The following NHLRC3 variants were observed in gnomAD, a reference collection of about 807,000 sequenced individuals.
The protein encoded by NHLRC3 is NHL repeat containing 3.
In NHLRC3, 23 loss-of-function variants were observed where a neutral mutation model predicts 32.0. That is an observed-to-expected ratio of 0.72 (90% CI 0.52 to 1.02). NHLRC3 has a LOEUF of 1.02. NHLRC3 is among the 50% of genes least tolerant of loss of function. The pLI is 0.00. For synonymous variants in NHLRC3, 159 were observed against 147.9 expected (o/e 1.08, Z -0.55); for missense variants, 407 against 406.8 (o/e 1.00, Z -0.01).
intron 6 of NHLRC3, 27 bp downstream of exon 6, chr13:39,047,179 G>T (rs766368544): frequency 9.7e-6 from 13 of 1,346,524 alleles, no homozygotes; most frequent in Admixed American, 7.2e-5. Context: ...ATTGCAAAAT[G>T]CTTGTTTTAG....
At chr13:39,039,063 C>T (rs1312470973) in intron 1 of NHLRC3, 73 bp from the exon 2 acceptor site, 1 of 590,140 alleles carries the variant, frequency 1.7e-6, no homozygotes, top group African/African-American at 2.1e-5. Context: ...AGCCCTGTTA[C>T]CCGGCCCCCC....
chr13:39,044,455 A>C, intron 5 of NHLRC3: 1 of 370,406 alleles, frequency 2.7e-6, no homozygotes. Flanking sequence ...GATTTCCTGT[A>C]CCATTTAAAA....
At chr13:39,046,210 CG>C (rs1303988123) in intron 5 of NHLRC3, among the ~76,000 whole-genome samples, 2 of 152,004 alleles carry the variant, frequency 1.3e-5, no homozygotes, top group African/African-American at 4.8e-5. Context: ...CTCAGCTACT[CG>C]GAGAGGCTGA....
rs1871820279 is a variant in NHLRC3, at chr13:39,049,388, T to C, written c.*1462T>C. 6.6e-6 allele frequency: 1 copy of C among 152,234 alleles called. No homozygotes were observed. The highest frequency in any genetic ancestry group is 2.4e-5 in the African/African-American group (1 of 41,450). 9.4% of individuals were successfully genotyped at this position (152,234 alleles called of 1,614,324 possible). On this transcript the variant is annotated 3_prime_UTR_variant, in exon 7 of 7. Transcript: ENST00000379600. ...TGTTGGTGCCACTGATCGGACTGTA[T>C]GACCTTAAACAAGTCACCTTAGTTT...
At chr13:39,045,965 A>G (rs1429930646) in intron 5 of NHLRC3, among the ~76,000 whole-genome samples, 1 of 152,190 alleles carries the variant, frequency 6.6e-6, no homozygotes, top group African/African-American at 2.4e-5. Flanking sequence ...AGGGAGGTAG[A>G]AGTAAAGAGG....
chr13:39,046,641 C>T (rs1433129189), intron 5 of NHLRC3, among the ~76,000 whole-genome samples: 1 of 152,166 alleles, frequency 6.6e-6, no homozygotes, highest in Non-Finnish European at 1.5e-5. Context: ...GTCATGTTGC[C>T]TGGCCCAGGA....
chr13:39,043,640 G>A (rs541897370), intron 4 of NHLRC3, among the ~76,000 whole-genome samples: 1 of 152,174 alleles, frequency 6.6e-6, no homozygotes, highest in Admixed American at 6.5e-5. Flanking sequence ...CACATTCCCA[G>A]GTATCAGGAG....
chr13:39,045,162 A>C (rs956119979), intron 5 of NHLRC3, among the ~76,000 whole-genome samples: 4 of 152,226 alleles, frequency 2.6e-5, no homozygotes, highest in Admixed American at 6.5e-5. Flanking sequence ...TAATTGATTG[A>C]CAAAAATGAG....
chr13:39,048,032 T>G lies in NHLRC3; in HGVS notation c.*106T>G. 1.1e-6 allele frequency: 1 copy of G among 929,668 alleles called. No individual in the cohort carries two copies. The highest frequency in any genetic ancestry group is 2.4e-5 in the Admixed American group (1 of 42,192). 57.6% of individuals were successfully genotyped at this position (929,668 alleles called of 1,614,324 possible). A position where few individuals can be genotyped will look rare whatever the true frequency, so the allele number is the denominator to read the frequency against. On this transcript the variant is annotated 3_prime_UTR_variant, in exon 7 of 7. Transcript: ENST00000379600. ...GAATTTATTTTTCTAGTATAAAAGA[T>G]CTAGTATCAGAAAGATTTGTTTTTG...
intron 3 of NHLRC3, chr13:39,040,295 A>C (rs972655453): frequency 1.3e-5 from 2 of 152,164 alleles, no homozygotes; most frequent in African/African-American, 4.8e-5. Context: ...TGCTCTTCTC[A>C]GATTAAATAA....
chr13:39,041,322 A>C (rs1200733263), intron 3 of NHLRC3: 1 of 152,140 alleles, frequency 6.6e-6, no homozygotes, highest in African/African-American at 2.4e-5. Context: ...AATAGTAAAT[A>C]AATTATTTAA....
intron 1 of NHLRC3, 75 bp from the exon 2 acceptor site, chr13:39,039,061 T>TGGCC: frequency 1.3e-6 from 1 of 760,180 alleles, no homozygotes; most frequent in African/African-American, 1.7e-5. Context: ...TAAGCCCTGT[T>TGGCC]ACCCGGCCCC....
In NHLRC3 at chr13:39,039,251, C is replaced by T; in HGVS notation, c.200C>T (p.Ala67Val). ...EYFTGTTFCV[A>V]VDSLNGLVYI... ...TTTACCGGAACAACATTTTGTGTTG[C>T]AGTTGACTCCCTCAATGGATTGGTT... Residue 67 changes from alanine (A) to valine (V), a missense_variant, in exon 2 of 7, where the codon GCA becomes GTA. Coordinates refer to ENST00000379600, the MANE Select transcript of NHLRC3 (RefSeq NM_001012754.4). The T allele has an allele frequency of 6.2e-7, 1 of 1,613,902 alleles. No individual in the cohort carries two copies. Among genetic ancestry groups the T allele is most frequent in the Non-Finnish European group, 8.5e-7 (1 of 1,179,774 alleles).
At position 39,048,452 on chromosome 13, in the gene NHLRC3, A is replaced by G. The variant is rs939677650; in HGVS notation, c.*526A>G. The G allele has an allele frequency of 6.6e-6, 1 of 152,374 alleles. No individual in the cohort carries two copies. Among genetic ancestry groups the G allele is most frequent in the Admixed American group, 6.5e-5 (1 of 15,300 alleles). 9.4% of individuals were successfully genotyped at this position (152,374 alleles called of 1,614,324 possible). A position where few individuals can be genotyped will look rare whatever the true frequency, so the allele number is the denominator to read the frequency against. On this transcript the variant is annotated 3_prime_UTR_variant, in exon 7 of 7. Coordinates refer to ENST00000379600, the MANE Select transcript of NHLRC3 (RefSeq NM_001012754.4). ...CTTGCAGTCTAGTGGGGAGACAAGC[A>G]GGCAAACAGTCACAACACAGCAAAA...
intron 5 of NHLRC3, among the ~76,000 whole-genome samples, chr13:39,046,295 G>A (rs1593554149): frequency 6.6e-6 from 1 of 152,218 alleles, no homozygotes; most frequent in African/African-American, 2.4e-5. Context: ...CTCCAGCCTG[G>A]GTGACAGAGC....
rs369766927 is a variant in NHLRC3 at position 39,047,629 on chromosome 13, T to C, written c.792-45T>C. The stretch of plus-strand genomic sequence containing the variant: ...AAAATGTTGAAAAAAAATACCCTTA[T>C]GTTTTTTCACAGACATTTATTATGT... On this transcript the variant is annotated intron_variant, in intron 6 of 6. Transcript: ENST00000379600. The C allele has an allele frequency of 3.9e-6, 6 of 1,552,866 alleles. No individual in the cohort carries two copies. The African/African-American group carries it at 5.4e-5, about 14-fold the overall frequency.
intron 4 of NHLRC3, among the ~76,000 whole-genome samples, chr13:39,042,612 C>T (rs1263809423): frequency 6.6e-6 from 1 of 152,140 alleles, no homozygotes; most frequent in Non-Finnish European, 1.5e-5. Context: ...AAATTAGAAA[C>T]CTAGAATCCC....
intron 3 of NHLRC3, 126 bp downstream of exon 3, chr13:39,039,837 C>A: frequency 1.4e-6 from 1 of 690,366 alleles, no homozygotes; most frequent in East Asian, 2.7e-5. Flanking sequence ...TTCATGAAAT[C>A]ACATGTTTTT....
chr13:39,045,564 T>G (rs754684646), intron 5 of NHLRC3, among the ~76,000 whole-genome samples: 4 of 152,230 alleles, frequency 2.6e-5, no homozygotes, highest in Non-Finnish European at 5.9e-5. Context: ...GTTCCAGACT[T>G]GTTGTTATGT....
Sources: allele counts gnomAD v4.1 joint callset (sites outside exome capture counted in the v4.1 genomes callset), GRCh38; gene constraint gnomAD v4.1.1; transcripts MANE v1.5; gene names NCBI Gene and HGNC (gene_info 2026-07-23, HGNC 2026-07-21).